DMD: variants seen among roughly 807,000 people sequenced by gnomAD.
DMD encodes the protein dystrophin.
In DMD, 63 loss-of-function variants were observed where a neutral mutation model predicts 330.1. That is an observed-to-expected ratio of 0.19 (90% CI 0.16 to 0.24). DMD has a LOEUF of 0.24. DMD is among the 10% of genes least tolerant of loss of function. The probability of loss-of-function intolerance (pLI) is 1.00; values close to 1 mark genes in which losing one functional copy is unlikely to be tolerated. For missense variants in DMD, 3,344 were observed against 2,684.1 expected (o/e 1.25, Z -5.43); for synonymous variants, 1,223 against 959.8 (o/e 1.27, Z -5.07).
At chrX:33,325,627 C>G (rs1465599408) in intron 1 of DMD, among the ~76,000 whole-genome samples, 1 of 112,007 alleles carries the variant, frequency 8.9e-6, no homozygotes, top group Admixed American at 9.6e-5. Context: ...TATTCGCCAA[C>G]CCCAAATCCT....
chrX:32,999,231 G>C lies in DMD; in HGVS notation c.93+20908C>G, dbSNP rs758473810. Reference sequence around the variant, plus strand: ...AGCCTACAGGCTGCATGAGGCCCAGGACAGCTTTGAATGCAGCCCAACACA... The same window carrying C: ...AGCCTACAGGCTGCATGAGGCCCAGCACAGCTTTGAATGCAGCCCAACACA... On this transcript the variant is annotated intron_variant, in intron 2 of 78. Transcript: ENST00000357033. 6.2e-5 allele frequency among the ~76,000 whole-genome samples: 7 copies of C among 112,465 alleles called. No homozygotes were observed. In the South Asian group the frequency reaches 2.6e-3, roughly 41 times the overall value.
intron 55 of DMD, among the ~76,000 whole-genome samples, chrX:31,580,575 T>C (rs746440900): frequency 8.9e-6 from 1 of 111,944 alleles, no homozygotes; most frequent in Non-Finnish European, 1.9e-5. Context: ...TTTGAGGCGG[T>C]TTGGTAATGG....
intron 7 of DMD, among the ~76,000 whole-genome samples, chrX:32,748,269 G>A (rs1212049637): frequency 4.6e-5 from 5 of 107,706 alleles, no homozygotes; most frequent in Non-Finnish European, 9.6e-5. Flanking sequence ...GCTTGAACCC[G>A]GGAGGCAGCG....
intron 51 of DMD, among the ~76,000 whole-genome samples, chrX:31,749,226 C>T (rs1486026559): frequency 2.8e-4 from 30 of 107,303 alleles, no homozygotes; most frequent in Non-Finnish European, 4.2e-4. Context: ...ATGTGCCATG[C>T]TGGCACGCTG....
At chrX:33,085,168 G>A (rs970798755) in intron 1 of DMD, among the ~76,000 whole-genome samples, 1 of 111,325 alleles carries the variant, frequency 9.0e-6, no homozygotes, top group African/African-American at 3.3e-5. Flanking sequence ...GAGTGTATCA[G>A]GGAAATAACT....
rs187736735 is a variant in DMD at position 31,962,046 on chromosome X, A to G, written c.6614+6293T>C. ...GATCTAGAGTAAGGACTCCGGAGGC[A>G]GACTGCGGGACTGCATCCTGGTTCA... On this transcript the variant is annotated intron_variant, in intron 45 of 78. Coordinates refer to ENST00000357033, the MANE Select transcript of DMD (RefSeq NM_004006.3). Among the ~76,000 whole-genome samples, 179 of 111,160 alleles carry G rather than the reference A, an allele frequency of 1.6e-3. 1 individual carries two copies. The highest frequency in any genetic ancestry group is 5.2e-3 in the Admixed American group (54 of 10,405).
At chrX:32,802,313 G>C (rs757103098) in intron 7 of DMD, among the ~76,000 whole-genome samples, 1 of 111,305 alleles carries the variant, frequency 9.0e-6, no homozygotes, top group Non-Finnish European at 1.9e-5. Flanking sequence ...GTTTATTATC[G>C]GTGTATAGGA....
At chrX:32,282,613 G>GTCAT (rs2097424543) in intron 43 of DMD, among the ~76,000 whole-genome samples, 2 of 111,983 alleles carry the variant, frequency 1.8e-5, no homozygotes, top group African/African-American at 6.5e-5. Context: ...GACAATGTAT[G>GTCAT]GAAGCAGGTA....
chrX:32,178,597 A>G lies in DMD; in HGVS notation c.6438+38319T>C, dbSNP rs181789536. 2.8e-3 allele frequency among the ~76,000 whole-genome samples: 305 copies of G among 110,583 alleles called. 1 individual carries two copies. Among genetic ancestry groups the G allele is most frequent in the African/African-American group, 9.6e-3 (292 of 30,514 alleles). On this transcript the variant is annotated intron_variant, in intron 44 of 78. Transcript: ENST00000357033. ...ATATTTTAATCATTTGTATCCTATG[A>G]CCTACATTGCCCCATTTCCTCACAA...
chrX:31,282,202 A>G (rs1369075159), intron 62 of DMD, among the ~76,000 whole-genome samples: 1 of 112,086 alleles, frequency 8.9e-6, no homozygotes, highest in Non-Finnish European at 1.9e-5. Context: ...AGCCTTCTAT[A>G]TTTTTGCAGA....
At chrX:33,200,820 A>C (rs1272653072) in intron 1 of DMD, among the ~76,000 whole-genome samples, 4 of 110,782 alleles carry the variant, frequency 3.6e-5, no homozygotes, top group Non-Finnish European at 7.6e-5. Context: ...ATGCATTTTA[A>C]ATAAATGTTA....
intron 45 of DMD, among the ~76,000 whole-genome samples, chrX:31,960,494 C>G (rs186555490): frequency 9.0e-6 from 1 of 111,213 alleles, no homozygotes; most frequent in Non-Finnish European, 1.9e-5. Flanking sequence ...AGTGATTTTG[C>G]TCCTGTCACT....
At chrX:31,252,192 T>C (rs1372374602) in intron 63 of DMD, among the ~76,000 whole-genome samples, 1 of 112,442 alleles carries the variant, frequency 8.9e-6, no homozygotes, top group East Asian at 2.7e-4. Context: ...TTATTTTTCT[T>C]TTTTCTTTTA....
rs1040731055 is a variant in DMD, at chrX:32,627,019, C to T, written c.1332-12566G>A. Among the ~76,000 whole-genome samples, 40 of 104,229 alleles carry T rather than the reference C, an allele frequency of 3.8e-4. 3 individuals carry two copies. The highest frequency in any genetic ancestry group is 5.9e-4 in the Non-Finnish European group (31 of 52,858). The allele number at this position is 104,229 out of a possible 115,157, so 90.5% of individuals were successfully genotyped here. ...GAGAGAACTTTTCAAAATGACGTCC[C>T]AGCCCCATTCCCCAACAATTCAATC... On this transcript the variant is annotated intron_variant, in intron 11 of 78. Transcript: ENST00000357033.
chrX:31,300,693 C>A (rs180900755), intron 62 of DMD, among the ~76,000 whole-genome samples: 37 of 111,721 alleles, frequency 3.3e-4, no homozygotes, highest in Middle Eastern at 4.6e-3. Flanking sequence ...CCAACATGTT[C>A]ATTGCAGTTG....
intron 45 of DMD, among the ~76,000 whole-genome samples, chrX:31,963,213 T>C (rs959852388): frequency 3.6e-5 from 4 of 112,243 alleles, no homozygotes; most frequent in African/African-American, 1.3e-4. Context: ...TGTATTTGCA[T>C]GCAAACAATG....
chrX:31,771,272 C>G (rs1460525141), intron 51 of DMD, among the ~76,000 whole-genome samples: 1 of 110,102 alleles, frequency 9.1e-6, no homozygotes, highest in Non-Finnish European at 1.9e-5. Context: ...CTGACAATGT[C>G]TTTAAGAATT....
At chrX:31,562,047 T>A (rs2075227194) in intron 55 of DMD, among the ~76,000 whole-genome samples, 1 of 112,225 alleles carries the variant, frequency 8.9e-6, no homozygotes, top group Admixed American at 9.5e-5. Context: ...AAGATTAATT[T>A]TATCTTTTTT....
chrX:32,668,072 C>T (rs1818512565), intron 9 of DMD, among the ~76,000 whole-genome samples: 1 of 110,603 alleles, frequency 9.0e-6, no homozygotes, highest in Non-Finnish European at 1.9e-5. Flanking sequence ...TCGCTTGAGC[C>T]CAGGAGGCGG....
Sources: gnomAD v4.1 joint callset for allele counts (sites outside exome capture counted in the v4.1 genomes callset) on GRCh38, gnomAD v4.1.1 for gene constraint, MANE v1.5 for transcripts, NCBI Gene and HGNC (gene_info 2026-07-23, HGNC 2026-07-21) for gene names.